The following AHCTF1 variants were observed in gnomAD, a reference collection of about 807,000 sequenced individuals.
AHCTF1 encodes the protein AT-hook containing transcription factor 1.
AHCTF1 carries 24 observed loss-of-function variants against 248.4 expected under a neutral mutation model. The observed-to-expected ratio is 0.10, with a 90% CI of 0.07 to 0.14. The LOEUF is 0.14. Ranked by LOEUF, AHCTF1 falls within the 10% of genes least tolerant of loss-of-function variation. The probability of loss-of-function intolerance (pLI) is 1.00; values close to 1 mark genes in which losing one functional copy is unlikely to be tolerated. For missense variants in AHCTF1, 2,206 were observed against 2,636.2 expected, an observed-to-expected ratio of 0.84 and a Z score of 3.57; for synonymous variants, 786 against 929.8, an observed-to-expected ratio of 0.85 and a Z score of 2.81.
At chr1:246,879,398 C>T (rs1232080376) in intron 21 of AHCTF1, among the ~76,000 whole-genome samples, 1 of 152,062 alleles carries the variant, frequency 6.6e-6, no homozygotes, top group Non-Finnish European at 1.5e-5. Context: ...ACCAAAATTA[C>T]GAGGGCAAAC....
At chr1:246,841,623 T>C (rs771297386) in intron 35 of AHCTF1, among the ~76,000 whole-genome samples, 16 of 152,208 alleles carry the variant, frequency 1.1e-4, no homozygotes, top group Non-Finnish European at 1.5e-4. Context: ...TGTAAAATAA[T>C]TGCAGGATTT....
At chr1:246,909,180 G>A (rs1409449197) in intron 4 of AHCTF1, among the ~76,000 whole-genome samples, 1 of 149,354 alleles carries the variant, frequency 6.7e-6, no homozygotes, top group Non-Finnish European at 1.5e-5. Flanking sequence ...GGGAGGCTGA[G>A]GCAGGCAGAT....
At chr1:246,888,622 G>A (rs1663996015) in intron 17 of AHCTF1, 105 bp from the exon 18 acceptor site, 8 of 1,369,072 alleles carry the variant, frequency 5.8e-6, no homozygotes, top group Admixed American at 2.3e-5. Flanking sequence ...ATCAAAGAGA[G>A]AAGAGGCTGG....
At chr1:246,871,364 GATC>G (rs1486184472) in intron 24 of AHCTF1, among the ~76,000 whole-genome samples, 1 of 152,208 alleles carries the variant, frequency 6.6e-6, no homozygotes, top group Non-Finnish European at 1.5e-5. Flanking sequence ...AGGTGTGCCA[GATC>G]CTTACTTAAC....
At chr1:246,922,737 C>CT (rs1169072305) in intron 1 of AHCTF1, among the ~76,000 whole-genome samples, 2 of 151,270 alleles carry the variant, frequency 1.3e-5, no homozygotes, top group African/African-American at 2.4e-5. Context: ...AATCCCAGCA[C>CT]TTTGGGAGGC....
chr1:246,870,195 G>A (rs761966900), intron 24 of AHCTF1, among the ~76,000 whole-genome samples: 1 of 152,182 alleles, frequency 6.6e-6, no homozygotes, highest in Non-Finnish European at 1.5e-5. Context: ...TGTAATCCCA[G>A]TACTTTTGGA....
intron 8 of AHCTF1, among the ~76,000 whole-genome samples, chr1:246,902,221 C>CA (rs1452905422): frequency 2.0e-5 from 3 of 152,258 alleles, no homozygotes; most frequent in Non-Finnish European, 4.4e-5. Flanking sequence ...ATACATGGCT[C>CA]AAAAAATACA....
intron 35 of AHCTF1, among the ~76,000 whole-genome samples, chr1:246,842,144 A>G (rs1241080196): frequency 1.3e-5 from 2 of 152,126 alleles, no homozygotes; most frequent in Non-Finnish European, 2.9e-5. Flanking sequence ...ATATATAAAG[A>G]AATCCACCTT....
intron 8 of AHCTF1, 59 bp downstream of exon 8, chr1:246,902,466 A>C: frequency 6.5e-7 from 1 of 1,549,902 alleles, no homozygotes; most frequent in South Asian, 1.2e-5. Flanking sequence ...AGAAAATAAC[A>C]CCTGTCATAA....
At chr1:246,847,416 A>ATC (rs1286036557) in intron 33 of AHCTF1, among the ~76,000 whole-genome samples, 1 of 152,242 alleles carries the variant, frequency 6.6e-6, no homozygotes, top group African/African-American at 2.4e-5. Context: ...TGTATCTGGA[A>ATC]CGATATACAG....
chr1:246,841,016 G>C lies in AHCTF1; in HGVS notation c.6609-18C>G, dbSNP rs1325134774. 2 of 1,582,314 alleles carry C rather than the reference G, an allele frequency of 1.3e-6. No individual in the cohort carries two copies. Among genetic ancestry groups the C allele is most frequent in the Non-Finnish European group, 1.7e-6 (2 of 1,167,612 alleles). On this transcript the variant is annotated intron_variant, in intron 35 of 35. Transcript: ENST00000648844. ...CTGTGTTTCTGAAAAAAAAAGATATGATCAAGTAAGAATAAACACATTATG... is the reference window on the plus strand; with the variant it reads ...CTGTGTTTCTGAAAAAAAAAGATATCATCAAGTAAGAATAAACACATTATG...
At position 246,900,465 on chromosome 1, in the gene AHCTF1, T is replaced by G. The variant is rs767118712; in HGVS notation, c.1122A>C (p.Leu374=). ...GDREEGVNEA[L]SPDTSVSVFT... The stretch of plus-strand genomic sequence containing the variant: ...AGACTGAAACACTAGTGTCAGGCGA[T>G]AGAGCTGGAAGAAAAAGATAATTTT... The change falls in exon 9 of 36, where the codon CTA becomes CTC. Residue 374 remains leucine, a synonymous_variant. Coordinates refer to ENST00000648844, the MANE Select transcript of AHCTF1 (RefSeq NM_001323342.2). 1.3e-6 allele frequency: 2 copies of G among 1,586,366 alleles called. No homozygotes were observed. The highest frequency in any genetic ancestry group is 1.7e-6 in the Non-Finnish European group (2 of 1,174,250).
At chr1:246,861,426 T>G (rs911734710) in intron 28 of AHCTF1, 131 bp from the exon 29 acceptor site, 6 of 872,850 alleles carry the variant, frequency 6.9e-6, no homozygotes, top group East Asian at 5.4e-5. Context: ...TAATAAAAAT[T>G]CATTTATTCT....
At chr1:246,848,603 C>T (rs1183881367) in intron 33 of AHCTF1, among the ~76,000 whole-genome samples, 2 of 151,796 alleles carry the variant, frequency 1.3e-5, no homozygotes, top group Non-Finnish European at 2.9e-5. Context: ...TGGTGGCTCA[C>T]GCCTGTAATC....
chr1:246,910,982 A>T (rs893554034), intron 4 of AHCTF1, among the ~76,000 whole-genome samples: 10 of 152,240 alleles, frequency 6.6e-5, no homozygotes, highest in African/African-American at 2.4e-4. Context: ...AGTGAAGCCT[A>T]AACAGTTGTA....
chr1:246,926,937 G>A (rs2103257377), intron 1 of AHCTF1, among the ~76,000 whole-genome samples: 1 of 152,306 alleles, frequency 6.6e-6, no homozygotes. Flanking sequence ...CACTTTGGGA[G>A]GCTAAGGCGG....
At chr1:246,914,625 T>C (rs1666020459) in intron 3 of AHCTF1, among the ~76,000 whole-genome samples, 1 of 152,196 alleles carries the variant, frequency 6.6e-6, no homozygotes, top group Admixed American at 6.5e-5. Context: ...TATGAAGTGA[T>C]TAATACTATT....
chr1:246,920,325 CTG>C (rs1666450408), intron 1 of AHCTF1, among the ~76,000 whole-genome samples: 1 of 151,556 alleles, frequency 6.6e-6, no homozygotes, highest in South Asian at 2.1e-4. Context: ...TGATAAGAAA[CTG>C]TAAATGTTAA....
At chr1:246,903,091 C>T (rs916596374) in intron 7 of AHCTF1, among the ~76,000 whole-genome samples, 24 of 152,302 alleles carry the variant, frequency 1.6e-4, no homozygotes, top group South Asian at 6.2e-4. Context: ...TATGAGACTT[C>T]GCCCATAAAA....
Sources: allele counts gnomAD v4.1 joint callset (sites outside exome capture counted in the v4.1 genomes callset), GRCh38; gene constraint gnomAD v4.1.1; transcripts MANE v1.5; gene names NCBI Gene and HGNC (gene_info 2026-07-23, HGNC 2026-07-21).